The following DIS3L2 variants were observed in gnomAD, a reference collection of about 807,000 sequenced individuals.
DIS3L2 encodes DIS3 like 3'-5' exoribonuclease 2, also known as DIS3-like exonuclease 2.
A neutral mutation model predicts 97.5 loss-of-function variants in DIS3L2; 34 were observed. The observed-to-expected ratio is 0.35, with a 90% confidence interval of 0.27 to 0.46. The LOEUF (loss-of-function observed/expected upper bound fraction) is 0.46. Ranked by LOEUF, DIS3L2 falls within the 20% of genes least tolerant of loss-of-function variation. The probability of loss-of-function intolerance (pLI) is 1.00; values close to 1 mark genes in which losing one functional copy is unlikely to be tolerated. For missense variants in DIS3L2, 1,038 were observed against 1,146.0 expected, an observed-to-expected ratio of 0.91 and a Z score of 1.36; for synonymous variants, 435 against 445.2, an observed-to-expected ratio of 0.98 and a Z score of 0.29.
intron 19 of DIS3L2, chr2:232,334,941 A>G: frequency 5.4e-6 from 3 of 559,320 alleles, no homozygotes; most frequent in Non-Finnish European, 9.7e-6. Flanking sequence ...CCCCTTCCCC[A>G]AGGACCCAGG....
intron 13 of DIS3L2, among the ~76,000 whole-genome samples, chr2:232,285,824 A>G (rs1378019247): frequency 2.0e-5 from 3 of 152,208 alleles, no homozygotes; most frequent in African/African-American, 7.2e-5. Flanking sequence ...CCTACTGCTT[A>G]TCACGGGGCC....
chr2:231,999,836 A>T (rs902552344), intron 1 of DIS3L2, among the ~76,000 whole-genome samples: 4 of 152,192 alleles, frequency 2.6e-5, no homozygotes, highest in African/African-American at 9.7e-5. Context: ...AAAAAATTAC[A>T]TATTTTTATG....
In DIS3L2 at chr2:232,330,075, G is replaced by C. The variant is rs559615022; in HGVS notation, c.1923+79G>C. 3.1e-4 allele frequency: 460 copies of C among 1,496,124 alleles called. 2 individuals carry two copies. In the African/African-American group the frequency reaches 6.1e-3, roughly 20 times the overall value. 92.7% of individuals were successfully genotyped at this position (1,496,124 alleles called of 1,614,324 possible). ...GACCTGGAAGGTGGGGTGGTCCAGC[G>C]GCCTCTGCTTCCCCCCAGAGTCCCT... On this transcript the variant is annotated intron_variant, in intron 15 of 20. Coordinates refer to ENST00000325385, the MANE Select transcript of DIS3L2 (RefSeq NM_152383.5).
chr2:232,205,886 G>A (rs1267059712), intron 9 of DIS3L2, among the ~76,000 whole-genome samples: 1 of 152,212 alleles, frequency 6.6e-6, no homozygotes, highest in African/African-American at 2.4e-5. Context: ...CACAAGTAGA[G>A]TGTTTCCTTA....
At chr2:232,104,664 A>T (rs74503353) in intron 6 of DIS3L2, among the ~76,000 whole-genome samples, 1 of 152,202 alleles carries the variant, frequency 6.6e-6, no homozygotes, top group East Asian at 1.9e-4. Flanking sequence ...GTGGAATCAT[A>T]CAATATTCTT....
intron 9 of DIS3L2, among the ~76,000 whole-genome samples, chr2:232,175,787 G>A (rs1290395470): frequency 1.3e-5 from 2 of 151,980 alleles, no homozygotes; most frequent in Non-Finnish European, 2.9e-5. Context: ...GTGTGTCGGC[G>A]ATGGGTGGGG....
chr2:232,302,030 C>T (rs1421610586), intron 14 of DIS3L2, among the ~76,000 whole-genome samples: 1 of 151,844 alleles, frequency 6.6e-6, no homozygotes, highest in Non-Finnish European at 1.5e-5. Flanking sequence ...TCAGACCAAG[C>T]AATGTAAGAA....
intron 14 of DIS3L2, among the ~76,000 whole-genome samples, chr2:232,303,311 T>C (rs1694909197): frequency 6.7e-6 from 1 of 148,760 alleles, no homozygotes; most frequent in Non-Finnish European, 1.5e-5. Context: ...TTTAGGGTCA[T>C]TTTCCCTACA....
intron 8 of DIS3L2, among the ~76,000 whole-genome samples, chr2:232,154,202 T>A (rs1490269003): frequency 3.9e-5 from 1 of 25,672 alleles, no homozygotes; most frequent in African/African-American, 1.6e-4. Flanking sequence ...TTCTCTCAGC[T>A]CGTCAAAATC....
chr2:232,044,544 G>T (rs1338013836), intron 5 of DIS3L2, among the ~76,000 whole-genome samples: 1 of 152,094 alleles, frequency 6.6e-6, no homozygotes, highest in Non-Finnish European at 1.5e-5. Context: ...AACTTGTTTC[G>T]ACATGTTGAG....
downstream of DIS3L2, chr2:232,337,203 G>A (rs1298265565): frequency 3.0e-6 from 3 of 990,160 alleles, no homozygotes; most frequent in South Asian, 4.6e-5. Flanking sequence ...CACTGAGAGC[G>A]CCCCCATCAC....
At position 232,309,339 on chromosome 2, in the gene DIS3L2, T is replaced by C. The variant is rs73002010; in HGVS notation, c.1739+9220T>C. ...CAGAGAAGCAGATGCTGAGATGGGA[T>C]TGGATGTTGAGAAACATATGGAGGA... On this transcript the variant is annotated intron_variant, in intron 14 of 20. Coordinates refer to ENST00000325385, the MANE Select transcript of DIS3L2 (RefSeq NM_152383.5). Among the ~76,000 whole-genome samples the C allele has an allele frequency of 8.5e-3, 1,300 of 152,060 alleles. 10 individuals are homozygous for C. The highest frequency in any genetic ancestry group is 0.014 in the Admixed American group (210 of 15,266).
downstream of DIS3L2, among the ~76,000 whole-genome samples, chr2:232,340,282 C>G (rs562994564): frequency 1.3e-5 from 2 of 152,192 alleles, no homozygotes; most frequent in Non-Finnish European, 2.9e-5. Context: ...AAGCCAGCAG[C>G]AGCAACAGCT....
intron 3 of DIS3L2, among the ~76,000 whole-genome samples, chr2:232,020,537 C>G (rs1183113206): frequency 6.6e-6 from 1 of 152,044 alleles, no homozygotes; most frequent in Non-Finnish European, 1.5e-5. Flanking sequence ...TTGCCATTAA[C>G]CAAGACAGAG....
chr2:232,335,992 G>A (rs1466875774), intron 20 of DIS3L2, 118 bp downstream of exon 20: 4 of 1,529,156 alleles, frequency 2.6e-6, no homozygotes, highest in Non-Finnish European at 3.5e-6. Flanking sequence ...GCAGCCTCCC[G>A]GGTGGGGTTT....
intron 9 of DIS3L2, among the ~76,000 whole-genome samples, chr2:232,185,849 C>CAAA (rs71056259): frequency 2.0e-5 from 2 of 102,304 alleles, no homozygotes; most frequent in African/African-American, 3.8e-5. Flanking sequence ...GACTTCGTCT[C>CAAA]AAAAAAAAAA....
intron 6 of DIS3L2, among the ~76,000 whole-genome samples, chr2:232,128,371 T>TAC (rs1481901793): frequency 6.6e-6 from 1 of 151,066 alleles, no homozygotes; most frequent in African/African-American, 2.4e-5. Flanking sequence ...GTTCAATAAA[T>TAC]ACACATGGAA....
intron 2 of DIS3L2, 104 bp from the exon 3 acceptor site, chr2:232,015,410 T>C (rs1694324375): frequency 2.5e-5 from 36 of 1,441,182 alleles, no homozygotes; most frequent in Non-Finnish European, 3.3e-5. Context: ...TTTCAGTCTC[T>C]TGTTGGTCTC....
chr2:232,027,828 C>T (rs1694701958), intron 4 of DIS3L2, among the ~76,000 whole-genome samples: 1 of 152,102 alleles, frequency 6.6e-6, no homozygotes, highest in African/African-American at 2.4e-5. Context: ...AAATGAAATA[C>T]AGAATGTGAG....
Sources: allele counts gnomAD v4.1 joint callset (sites outside exome capture counted in the v4.1 genomes callset), GRCh38; gene constraint gnomAD v4.1.1; transcripts MANE v1.5; gene names NCBI Gene and HGNC (gene_info 2026-07-23, HGNC 2026-07-21).